The following MTO1 variants were observed in gnomAD, a reference collection of about 807,000 sequenced individuals.
MTO1 encodes the protein mitochondrial tRNA translation optimization 1, also known as 5-taurinomethyluridine-[tRNA] synthase subunit MTO1, mitochondrial.
MTO1 carries 46 observed loss-of-function variants against 71.6 expected under a neutral mutation model. The ratio of observed to expected loss-of-function variants is 0.64; its 90% CI spans 0.51 to 0.82. The LOEUF is 0.82. MTO1 is among the 40% of genes least tolerant of loss of function. The probability of loss-of-function intolerance (pLI) is 0.00; values close to 1 mark genes in which losing one functional copy is unlikely to be tolerated. For missense variants in MTO1, 773 were observed against 867.5 expected (o/e 0.89, Z 1.37); for synonymous variants, 297 against 312.1 (o/e 0.95, Z 0.51).
intron 4 of MTO1, among the ~76,000 whole-genome samples, chr6:73,478,416 C>T (rs1195919747): frequency 6.8e-6 from 1 of 146,768 alleles, no homozygotes; most frequent in Non-Finnish European, 1.5e-5. Flanking sequence ...CCTGCCTGTA[C>T]AAAAAAAAAA....
chr6:73,498,492 C>T (rs1772063298), intron 11 of MTO1, among the ~76,000 whole-genome samples: 1 of 151,022 alleles, frequency 6.6e-6, no homozygotes, highest in Admixed American at 6.7e-5. Context: ...CTAGGAGTTC[C>T]ATAGTGTTGC....
Position 73,501,564 on chromosome 6 carries a change from G to A in MTO1, c.*829G>A, listed in dbSNP as rs1772159073. The A allele has an allele frequency of 6.6e-6, 1 of 152,178 alleles. No homozygotes were observed. The highest frequency in any genetic ancestry group is 1.5e-5 in the Non-Finnish European group (1 of 68,038). 9.4% of individuals were successfully genotyped at this position (152,178 alleles called of 1,614,324 possible). On this transcript the variant is annotated 3_prime_UTR_variant, in exon 12 of 12. Transcript: ENST00000498286. ...GAATGACAGAAAAAACAGAATAGTG[G>A]TAGTACCCCTCTTCCTCTCCAGTAC...
chr6:73,465,145 CTTCT>C (rs1319104589), intron 1 of MTO1, among the ~76,000 whole-genome samples: 1 of 151,536 alleles, frequency 6.6e-6, no homozygotes, highest in Non-Finnish European at 1.5e-5. Context: ...TGCCAAGGGG[CTTCT>C]TTGTTTTTTC....
At chr6:73,464,528 C>G (rs1307017131) in intron 1 of MTO1, among the ~76,000 whole-genome samples, 1 of 151,958 alleles carries the variant, frequency 6.6e-6, no homozygotes, top group Non-Finnish European at 1.5e-5. Flanking sequence ...GCCTGTAATC[C>G]CAGCAGTTTG....
At chr6:73,477,229 C>T (rs1771350986) in intron 4 of MTO1, among the ~76,000 whole-genome samples, 1 of 151,106 alleles carries the variant, frequency 6.6e-6, no homozygotes, top group Admixed American at 6.6e-5. Context: ...AACCTCACCT[C>T]TACTAAAAAT....
At chr6:73,493,578 AC>A (rs1338413773) in intron 10 of MTO1, among the ~76,000 whole-genome samples, 1 of 151,078 alleles carries the variant, frequency 6.6e-6, no homozygotes, top group East Asian at 2.0e-4. Flanking sequence ...TTTAGTAGAG[AC>A]AGGGTTTCAT....
intron 4 of MTO1, among the ~76,000 whole-genome samples, chr6:73,476,834 G>A (rs1006421904): frequency 1.3e-5 from 2 of 151,142 alleles, no homozygotes; most frequent in African/African-American, 4.9e-5. Flanking sequence ...TATCCCCCAG[G>A]CTGGAGTGCA....
chr6:73,507,490 T>TAA lies in MTO1; in HGVS notation c.*6757_*6758dup. The TAA allele has an allele frequency of 6.6e-6, 1 of 152,350 alleles. No individual in the cohort carries two copies. Among genetic ancestry groups the TAA allele is most frequent in the East Asian group, 1.9e-4 (1 of 5,192 alleles). 9.4% of individuals were successfully genotyped at this position (152,350 alleles called of 1,614,324 possible). ...TTTTTCTAAAAAGTTTTTAAAAACT[T>TAA]AAAGTCTTACTGATCTCTTCCTATG... On this transcript the variant is annotated 3_prime_UTR_variant, in exon 12 of 12. Transcript: ENST00000498286.
At chr6:73,464,444 A>AT (rs1770917325) in intron 1 of MTO1, among the ~76,000 whole-genome samples, 1 of 152,052 alleles carries the variant, frequency 6.6e-6, no homozygotes, top group Non-Finnish European at 1.5e-5. Flanking sequence ...CATGCTCATA[A>AT]TCACAGTGCT....
rs516203 is a variant in MTO1 at position 73,491,953 on chromosome 6, A to T, written c.1638-281A>T. ...CCGTCTCTACTAAAAATACAAAAAA[A>T]TAGCCGGGCATGGTGGCGCATGCCT... On this transcript the variant is annotated intron_variant, in intron 9 of 11. Transcript: ENST00000498286. 222,546 of 244,330 alleles carry T rather than the reference A, an allele frequency of 0.91. 101,544 individuals carry two copies. Among genetic ancestry groups the T allele is most frequent in the East Asian group, 0.95 (10,437 of 10,998 alleles). 15.1% of individuals were successfully genotyped at this position (244,330 alleles called of 1,614,324 possible). A position where few individuals can be genotyped will look rare whatever the true frequency, so the allele number is the denominator to read the frequency against.
At position 73,464,790 on chromosome 6, in the gene MTO1, G is replaced by A. The variant is rs187882662; in HGVS notation, c.218-1419G>A. ...GTGGAGGTTGCAGTGAGCTGAGATC[G>A]TGCCATTGCACTCCAGCCTGGGCAA... On this transcript the variant is annotated intron_variant, in intron 1 of 11. Transcript: ENST00000498286. Among the ~76,000 whole-genome samples the A allele has an allele frequency of 5.7e-3, 821 of 144,400 alleles. 3 individuals are homozygous for A. The highest frequency in any genetic ancestry group is 0.011 in the Middle Eastern group (3 of 262). The allele number at this position is 144,400 out of a possible 152,430, so 94.7% of individuals were successfully genotyped here.
chr6:73,473,551 C>T lies in MTO1; in HGVS notation c.722C>T (p.Pro241Leu), dbSNP rs771939136. ...GGAAGGTTGAAGACTGGGACTCCACCCCGAATTGCCAAAGAGTCCATTAAT... is the reference window on the plus strand; with the variant it reads ...GGAAGGTTGAAGACTGGGACTCCACTCCGAATTGCCAAAGAGTCCATTAAT... ...VVGRLKTGTP[P>L]RIAKESINFS... Residue 241 changes from proline (P) to leucine (L), a missense_variant, in exon 4 of 12, where the codon CCC (proline) becomes CTC (leucine). By Grantham distance (98) the Pro-to-Leu change is moderately conservative. Coordinates refer to ENST00000498286, the MANE Select transcript of MTO1 (RefSeq NM_012123.4). 4 of 1,613,784 alleles carry T rather than the reference C, an allele frequency of 2.5e-6. No homozygotes were observed. In the Admixed American group the frequency reaches 5.0e-5, roughly 20 times the overall value.
At chr6:73,462,345 C>CTTCAAGAA in intron 1 of MTO1, 2 of 522,006 alleles carry the variant, frequency 3.8e-6, no homozygotes, top group Non-Finnish European at 6.9e-6. Flanking sequence ...GGAAAGGGAG[C>CTTCAAGAA]TACCAACTAC....
intron 10 of MTO1, among the ~76,000 whole-genome samples, chr6:73,494,157 C>T (rs1449111469): frequency 6.6e-6 from 1 of 151,964 alleles, no homozygotes; most frequent in Non-Finnish European, 1.5e-5. Context: ...ATTGCTTGCA[C>T]CCAGGAGACG....
rs770352406 is a variant in MTO1 at position 73,462,040 on chromosome 6, T to A, written c.186T>A (p.Thr62=). 2 of 1,613,882 alleles carry A rather than the reference T, an allele frequency of 1.2e-6. No individual in the cohort carries two copies. The highest frequency in any genetic ancestry group is 1.7e-6 in the Non-Finnish European group (2 of 1,179,974). Residue 62 remains threonine (T), a synonymous_variant, in exon 1 of 12, where the codon ACT becomes ACA. Transcript: ENST00000498286. ...ATAAARCGSR[T]LLLTHRVDTI... is the part of the protein sequence containing the mutation. ...CCGCCGCTCGGTGCGGCTCTCGGAC[T>A]CTGCTCCTCACTCACCGCGTGGACA...
intron 10 of MTO1, among the ~76,000 whole-genome samples, chr6:73,493,583 G>A (rs1410170760): frequency 2.0e-5 from 3 of 151,540 alleles, no homozygotes; most frequent in African/African-American, 2.4e-5. Flanking sequence ...TAGAGACAGG[G>A]TTTCATCACA....
intron 3 of MTO1, among the ~76,000 whole-genome samples, chr6:73,470,485 C>T (rs1023946449): frequency 5.3e-5 from 8 of 152,030 alleles, no homozygotes; most frequent in Admixed American, 3.9e-4. Context: ...GGATTACAGG[C>T]ATGAGCCACC....
In MTO1 at chr6:73,505,236, A is replaced by C. The variant is rs532927132; in HGVS notation, c.*4501A>C. The C allele has an allele frequency of 4.5e-4, 69 of 152,388 alleles. No individual in the cohort carries two copies. The highest frequency in any genetic ancestry group is 1.5e-3 in the African/African-American group (61 of 41,586). The allele number at this position is 152,388 out of a possible 1,614,324, so 9.4% of individuals were successfully genotyped here. A position where few individuals can be genotyped will look rare whatever the true frequency, so the allele number is the denominator to read the frequency against. On this transcript the variant is annotated 3_prime_UTR_variant, in exon 12 of 12. Transcript: ENST00000498286. The stretch of plus-strand genomic sequence containing the variant: ...AAAGTAGCATTAATTCACAATAGCC[A>C]AAAGCTGGAAGTAGCCCAAGTATCC...
intron 3 of MTO1, 141 bp downstream of exon 3, chr6:73,466,747 T>A: frequency 1.5e-6 from 1 of 666,454 alleles, no homozygotes. Context: ...GAAAACTATA[T>A]AAATAAATAT....
Sources: gnomAD v4.1 joint callset for allele counts (sites outside exome capture counted in the v4.1 genomes callset) on GRCh38, gnomAD v4.1.1 for gene constraint, MANE v1.5 for transcripts, NCBI Gene and HGNC (gene_info 2026-07-23, HGNC 2026-07-21) for gene names.